The following DAAM2 variants were observed in gnomAD, a reference collection of about 807,000 sequenced individuals.
DAAM2 encodes the protein disheveled-associated activator of morphogenesis 2.
DAAM2 carries 39 observed loss-of-function variants against 120.7 expected under a neutral mutation model. The ratio of observed to expected loss-of-function variants is 0.32; its 90% CI spans 0.25 to 0.42. The LOEUF (loss-of-function observed/expected upper bound fraction) is 0.42, where lower values mean the gene tolerates loss of function less well. Ranked by LOEUF, DAAM2 falls within the 10% of genes least tolerant of loss-of-function variation. The probability of loss-of-function intolerance (pLI) is 1.00; values close to 1 mark genes in which losing one functional copy is unlikely to be tolerated. For synonymous variants in DAAM2, 488 were observed against 524.9 expected, an observed-to-expected ratio of 0.93 and a Z score of 0.96; for missense variants, 1,283 against 1,401.7, an observed-to-expected ratio of 0.92 and a Z score of 1.35.
chr6:39,809,350 C>T (rs1444928055), intron 1 of DAAM2, among the ~76,000 whole-genome samples: 2 of 152,220 alleles, frequency 1.3e-5, no homozygotes, highest in Non-Finnish European at 2.9e-5. Flanking sequence ...CCGTGACCAA[C>T]CTCACAGGCC....
intron 1 of DAAM2, among the ~76,000 whole-genome samples, chr6:39,833,097 C>G (rs1167892119): frequency 6.6e-6 from 1 of 152,086 alleles, no homozygotes; most frequent in Admixed American, 6.5e-5. Flanking sequence ...CAACCCTGCA[C>G]CCTATTCTGA....
intron 1 of DAAM2, among the ~76,000 whole-genome samples, chr6:39,844,371 G>GACACAC (rs58561482): frequency 1.3e-4 from 20 of 149,468 alleles, no homozygotes; most frequent in East Asian, 9.8e-4. Context: ...ACATCTGCTG[G>GACACAC]ACACACACAC....
In DAAM2 at chr6:39,901,682, A is replaced by C; in HGVS notation, c.2983-131A>C. 2 of 1,016,102 alleles carry C rather than the reference A, an allele frequency of 2.0e-6. No individual in the cohort carries two copies. Among genetic ancestry groups the C allele is most frequent in the Non-Finnish European group, 2.8e-6 (2 of 716,858 alleles). 62.9% of individuals were successfully genotyped at this position (1,016,102 alleles called of 1,614,324 possible). ...TGGGGGCCTGTATGTCCTAGGCAGGAAGAAAGTGGGGCCAACAGATACAGG... is the reference window on the plus strand; with the variant it reads ...TGGGGGCCTGTATGTCCTAGGCAGGCAGAAAGTGGGGCCAACAGATACAGG... On this transcript the variant is annotated intron_variant, in intron 24 of 24. Coordinates refer to ENST00000274867, the MANE Select transcript of DAAM2 (RefSeq NM_001201427.2). This position sits in a 1 kb window ranked among gnomAD's most constrained non-coding sequence, Gnocchi z 4.5.
intron 1 of DAAM2, chr6:39,821,213 C>G (rs1762477976): frequency 6.6e-6 from 1 of 152,310 alleles, no homozygotes; most frequent in Non-Finnish European, 1.5e-5. Context: ...CCCTGCCTCC[C>G]TTGCTAGATA....
intron 5 of DAAM2, 87 bp from the exon 6 acceptor site, chr6:39,867,423 G>T: frequency 7.7e-7 from 1 of 1,305,342 alleles, no homozygotes. Context: ...AAGGTGCATG[G>T]TGGTACACAG....
Position 39,901,565 on chromosome 6 carries a change from A to T in DAAM2, c.2982+93A>T. 1 of 1,293,794 alleles carries T rather than the reference A, an allele frequency of 7.7e-7. No individual in the cohort carries two copies. The highest frequency in any genetic ancestry group is 1.1e-6 in the Non-Finnish European group (1 of 947,970). The allele number at this position is 1,293,794 out of a possible 1,614,324, so 80.1% of individuals were successfully genotyped here. On this transcript the variant is annotated intron_variant, in intron 24 of 24. Transcript: ENST00000274867. This position sits in a 1 kb window ranked among gnomAD's most constrained non-coding sequence, Gnocchi z 4.5. ...TGGGGTGTGTGGGAGGAGGGCAGAG[A>T]CTGAGGAACTGAGGAACACCATAGG...
chr6:39,894,685 ATCTTGGCTCACTGCAACCTCTGCC>A (rs144751207), intron 19 of DAAM2, among the ~76,000 whole-genome samples: 1,919 of 152,064 alleles, frequency 0.013, 27 homozygotes, highest in African/African-American at 0.043. Context: ...CAGTGGTGTG[ATCTTGGCTCACTGCAACCTCTGCC>A]TCCTGGGCTC....
At chr6:39,851,775 A>G (rs1763815196) in intron 1 of DAAM2, among the ~76,000 whole-genome samples, 1 of 152,228 alleles carries the variant, frequency 6.6e-6, no homozygotes, top group Non-Finnish European at 1.5e-5. Flanking sequence ...GCAGTATGAA[A>G]GGTCAGAGCT....
At position 39,878,375 on chromosome 6, in the gene DAAM2, T is replaced by C. The variant is rs763641229; in HGVS notation, c.1361-29T>C. ...ACATTACTCACATTCTCTCCTTCTG[T>C]TTCCTCTCCCGTCCCACCCCCATTC... On this transcript the variant is annotated intron_variant, in intron 12 of 24. Transcript: ENST00000274867. This position sits in a 1 kb window ranked among gnomAD's most constrained non-coding sequence, Gnocchi z 5.0. 3 of 1,609,702 alleles carry C rather than the reference T, an allele frequency of 1.9e-6. No individual in the cohort carries two copies. Among genetic ancestry groups the C allele is most frequent in the African/African-American group, 2.7e-5 (2 of 74,854 alleles).
rs1351451510 is a variant in DAAM2, at chr6:39,904,271, AAG to A, written c.*2236_*2237del. On this transcript the variant is annotated 3_prime_UTR_variant, in exon 25 of 25. Transcript: ENST00000274867. Reference sequence around the variant, plus strand: ...AGCTCAGCCTTCTCACTCTAAAAGAAAGATATTTTTCTATTTATTTTCTACAT... The same window carrying A: ...AGCTCAGCCTTCTCACTCTAAAAGAAATATTTTTCTATTTATTTTCTACAT... The A allele has an allele frequency of 4.4e-6, 2 of 456,632 alleles. No individual in the cohort carries two copies. The highest frequency in any genetic ancestry group is 4.0e-5 in the African/African-American group (2 of 50,092). The allele number at this position is 456,632 out of a possible 1,614,324, so 28.3% of individuals were successfully genotyped here.
In DAAM2 at chr6:39,874,018, T is replaced by C. The variant is rs1764769623; in HGVS notation, c.1162+663T>C. 2.6e-5 allele frequency among the ~76,000 whole-genome samples: 4 copies of C among 152,234 alleles called. No individual in the cohort carries two copies. In the South Asian group the frequency reaches 8.3e-4, roughly 31 times the overall value. ...TTTTGAAAACCAGTGTGGCCCACCA[T>C]AATGGTTGATGTTGGCGGTGTCAGC... is the stretch of plus-strand genomic sequence containing the variant. On this transcript the variant is annotated intron_variant, in intron 10 of 24. Transcript: ENST00000274867.
intron 1 of DAAM2, among the ~76,000 whole-genome samples, chr6:39,825,625 T>C (rs1762646165): frequency 6.6e-6 from 1 of 152,112 alleles, no homozygotes; most frequent in African/African-American, 2.4e-5. Flanking sequence ...ATAAGATATG[T>C]CCTTCCCCTG....
rs747618269 is a variant in DAAM2 at position 39,901,840 on chromosome 6, TGGCAGC to T, written c.3019_3024del (p.Gln1007_Arg1008del). The T allele has an allele frequency of 4.3e-5, 67 of 1,562,854 alleles. 1 individual carries two copies. The highest frequency in any genetic ancestry group is 2.0e-4 in the East Asian group (9 of 44,002). ...GAAGGAGCAGAGGGAACGTGAGCGG[TGGCAGC>T]GGCAGCGGAAGGTCCTGGCTGCAGG... On this transcript the variant is annotated inframe_deletion, in exon 25 of 25. Transcript: ENST00000274867. This position sits in a 1 kb window ranked among gnomAD's most constrained non-coding sequence, Gnocchi z 4.5.
At chr6:39,866,320 T>G (rs1265835893) in intron 5 of DAAM2, among the ~76,000 whole-genome samples, 1 of 152,214 alleles carries the variant, frequency 6.6e-6, no homozygotes, top group African/African-American at 2.4e-5. Context: ...ATATTGTCAT[T>G]GTGGAAATTT....
At chr6:39,874,100 C>A (rs747994901) in intron 10 of DAAM2, among the ~76,000 whole-genome samples, 3 of 152,128 alleles carry the variant, frequency 2.0e-5, no homozygotes, top group Non-Finnish European at 2.9e-5. Context: ...CTGGGCCAGG[C>A]GTGATGTGAG....
At position 39,864,452 on chromosome 6, in the gene DAAM2, A is replaced by G. The variant is rs548915329; in HGVS notation, c.278A>G (p.Lys93Arg). ...SKKKEQEDPNKLATSWPDYYI... is the reference protein window; with the variant it reads ...SKKKEQEDPNRLATSWPDYYI... Reference sequence around the variant, plus strand: ...TTTCAGGAGCAGGAGGACCCCAACAAGCTGGCAACCAGCTGGCCTGACTAT... The same window carrying G: ...TTTCAGGAGCAGGAGGACCCCAACAGGCTGGCAACCAGCTGGCCTGACTAT... Residue 93 changes from lysine (K) to arginine (R), a missense_variant, in exon 4 of 25, where the codon AAG (lysine) becomes AGG (arginine). Around this residue, in one of 3 missense-constraint regions of DAAM2, gnomAD observed 197 missense variants for 189.3 expected, o/e 1.04. Coordinates refer to ENST00000274867, the MANE Select transcript of DAAM2 (RefSeq NM_001201427.2). 1.2e-6 allele frequency: 2 copies of G among 1,612,982 alleles called. No homozygotes were observed. The highest frequency in any genetic ancestry group is 1.1e-5 in the South Asian group (1 of 90,882).
At chr6:39,826,917 G>C (rs1192907208) in intron 1 of DAAM2, among the ~76,000 whole-genome samples, 1 of 152,184 alleles carries the variant, frequency 6.6e-6, no homozygotes, top group African/African-American at 2.4e-5. Flanking sequence ...ATCAGGAGAA[G>C]TTGGGAATCA....
chr6:39,866,483 A>G (rs1764436683), intron 5 of DAAM2, among the ~76,000 whole-genome samples: 1 of 152,204 alleles, frequency 6.6e-6, no homozygotes, highest in Non-Finnish European at 1.5e-5. Context: ...ATTTATAATA[A>G]TTTTCTTAGA....
intron 1 of DAAM2, among the ~76,000 whole-genome samples, chr6:39,798,111 C>T (rs1004864015): frequency 2.0e-5 from 3 of 152,214 alleles, no homozygotes; most frequent in African/African-American, 7.2e-5. Context: ...GGCTCCTGCT[C>T]TGGATCCCAG....
Sources: allele counts gnomAD v4.1 joint callset (sites outside exome capture counted in the v4.1 genomes callset), GRCh38; gene constraint gnomAD v4.1.1; regional missense constraint gnomAD v4.1.1; non-coding constraint Gnocchi (gnomAD v3.1); transcripts MANE v1.5; gene names NCBI Gene and HGNC (gene_info 2026-07-23, HGNC 2026-07-21).